Variants in BEND6 observed in about 807,000 individuals in gnomAD.
The protein encoded by BEND6 is BEN domain-containing protein 6.
In BEND6, 24 loss-of-function variants were observed where a neutral mutation model predicts 31.8. The observed-to-expected ratio is 0.75, with a 90% CI of 0.55 to 1.06. The LOEUF is 1.06. Among genes scored for constraint, BEND6 ranks in the 50% least tolerant of loss-of-function variants. The probability of loss-of-function intolerance (pLI) is 0.00; values close to 1 mark genes in which losing one functional copy is unlikely to be tolerated. For missense variants in BEND6, 294 were observed against 327.4 expected, an observed-to-expected ratio of 0.90 and a Z score of 0.79; for synonymous variants, 109 against 114.6, an observed-to-expected ratio of 0.95 and a Z score of 0.31.
intron 4 of BEND6, among the ~76,000 whole-genome samples, chr6:57,016,640 C>T (rs1484028774): frequency 1.3e-5 from 2 of 152,168 alleles, no homozygotes. Context: ...AAGTGAAGTC[C>T]CTCTCACACT....
At chr6:56,966,574 C>T (rs750060588) in intron 1 of BEND6, among the ~76,000 whole-genome samples, 4 of 152,146 alleles carry the variant, frequency 2.6e-5, no homozygotes, top group Non-Finnish European at 4.4e-5. Flanking sequence ...TCTGCCTGTG[C>T]CTGCAGGCTT....
chr6:57,012,304 GAC>G (rs1827375303), intron 3 of BEND6, among the ~76,000 whole-genome samples: 1 of 151,860 alleles, frequency 6.6e-6, no homozygotes, highest in African/African-American at 2.4e-5. Context: ...GAGAAAAAGA[GAC>G]AAAAAAAGGA....
At position 56,955,166 on chromosome 6, in the gene BEND6, G is replaced by T. The variant is rs1044140865; in HGVS notation, c.-395G>T. On this transcript the variant is annotated 5_prime_UTR_variant, in exon 1 of 7. Transcript: ENST00000370746. ...CGGACATGGCTGCGGCGGTTTCGGC[G>T]GCGTCCGCGGGCTGCACCCGGGCCT... 2.0e-5 allele frequency: 3 copies of T among 150,836 alleles called. No homozygotes were observed. Among genetic ancestry groups the T allele is most frequent in the African/African-American group, 4.8e-5 (2 of 41,310 alleles). 9.3% of individuals were successfully genotyped at this position (150,836 alleles called of 1,614,324 possible). A position where few individuals can be genotyped will look rare whatever the true frequency, so the allele number is the denominator to read the frequency against.
chr6:56,972,077 C>T (rs1481487446), intron 1 of BEND6, among the ~76,000 whole-genome samples: 8 of 131,036 alleles, frequency 6.1e-5, no homozygotes, highest in Non-Finnish European at 1.1e-4. Context: ...TTTTACTTTA[C>T]TTTACTTTCT....
intron 3 of BEND6, among the ~76,000 whole-genome samples, chr6:56,999,549 G>A (rs1206019319): frequency 1.3e-5 from 2 of 152,200 alleles, no homozygotes; most frequent in African/African-American, 4.8e-5. Flanking sequence ...GGCGCTTGGT[G>A]GCCACCCACT....
chr6:56,956,349 C>G, intron 1 of BEND6, among the ~76,000 whole-genome samples: 1 of 152,182 alleles, frequency 6.6e-6, no homozygotes, highest in East Asian at 1.9e-4. Flanking sequence ...GTAGTGATCT[C>G]AAAATCAGTG....
intron 1 of BEND6, among the ~76,000 whole-genome samples, chr6:56,979,486 A>G (rs899053647): frequency 3.9e-5 from 6 of 152,220 alleles, no homozygotes; most frequent in Admixed American, 1.3e-4. Flanking sequence ...TAACATCAAT[A>G]TATGCCAGTA....
intron 1 of BEND6, chr6:56,976,209 T>C: frequency 5.5e-6 from 1 of 183,212 alleles, no homozygotes; most frequent in Non-Finnish European, 1.1e-5. Flanking sequence ...TTTTTTTTTT[T>C]TTTTGAGATA....
intron 1 of BEND6, among the ~76,000 whole-genome samples, chr6:56,964,585 T>TC (rs142649827): frequency 0.023 from 3,547 of 152,194 alleles, 147 homozygotes; most frequent in African/African-American, 0.08. Context: ...TACTATAGCC[T>TC]CCATCTCCCA....
intron 1 of BEND6, among the ~76,000 whole-genome samples, chr6:56,965,676 T>TTATATATATATATA (rs35074783): frequency 3.8e-4 from 52 of 136,556 alleles, no homozygotes; most frequent in South Asian, 1.9e-3. Flanking sequence ...ACAAAAAAAT[T>TTATATATATATATA]TATATATATA....
rs1220465578 is a variant in BEND6 at position 56,976,105 on chromosome 6, T to C, written c.-100-5606T>C. On this transcript the variant is annotated intron_variant, in intron 1 of 6. Coordinates refer to ENST00000370746, the MANE Select transcript of BEND6 (RefSeq NM_152731.3). ...GCCATTCTCAGCCTCAAGCCCCACA[T>C]ACCACCTGGAAACAATTATTTAATT... 2.6e-4 allele frequency: 74 copies of C among 286,970 alleles called. 1 individual carries two copies. Among genetic ancestry groups the C allele is most frequent in the Non-Finnish European group, 5.6e-5 (8 of 142,176 alleles). The allele number at this position is 286,970 out of a possible 1,614,324, so 17.8% of individuals were successfully genotyped here.
intron 3 of BEND6, among the ~76,000 whole-genome samples, chr6:57,005,677 TAAA>T (rs76921934): frequency 7.7e-6 from 1 of 130,674 alleles, no homozygotes; most frequent in African/African-American, 2.8e-5. Flanking sequence ...GAGACTCCAT[TAAA>T]AAAAAAAAAA....
chr6:57,011,002 C>T (rs892589293), intron 3 of BEND6: 2 of 283,926 alleles, frequency 7.0e-6, no homozygotes, highest in Non-Finnish European at 5.3e-6. Context: ...GTGCTAGGCA[C>T]TCTTGTAACC....
At chr6:56,983,608 G>A (rs1275599815) in intron 2 of BEND6, among the ~76,000 whole-genome samples, 2 of 152,018 alleles carry the variant, frequency 1.3e-5, no homozygotes, top group South Asian at 2.1e-4. Context: ...ACATCCTCCA[G>A]CCTCATCTAC....
chr6:57,020,963 A>G (rs1827725667), intron 6 of BEND6, among the ~76,000 whole-genome samples: 1 of 151,974 alleles, frequency 6.6e-6, no homozygotes, highest in Non-Finnish European at 1.5e-5. Flanking sequence ...TTTTGCTTGT[A>G]CTTAACAATA....
At position 57,017,791 on chromosome 6, in the gene BEND6, C is replaced by A. The variant is rs1361641689; in HGVS notation, c.712+392C>A. Among the ~76,000 whole-genome samples, 4 of 152,096 alleles carry A rather than the reference C, an allele frequency of 2.6e-5. 1 individual carries two copies. The South Asian group carries it at 8.3e-4, about 32-fold the overall frequency. Reference sequence around the variant, plus strand: ...ATTTATGGTTTTTAAATTAATGAATCTCCTTAAATATAATCTAGATTATCC... The same window carrying A: ...ATTTATGGTTTTTAAATTAATGAATATCCTTAAATATAATCTAGATTATCC... On this transcript the variant is annotated intron_variant, in intron 5 of 6. Coordinates refer to ENST00000370746, the MANE Select transcript of BEND6 (RefSeq NM_152731.3).
At chr6:57,020,245 A>G (rs897211402) in intron 6 of BEND6, among the ~76,000 whole-genome samples, 1 of 151,326 alleles carries the variant, frequency 6.6e-6, no homozygotes, top group African/African-American at 2.4e-5. Context: ...TTACCCACCC[A>G]GTTACCTTGA....
At chr6:56,968,286 T>C (rs1343185474) in intron 1 of BEND6, among the ~76,000 whole-genome samples, 3 of 150,872 alleles carry the variant, frequency 2.0e-5, no homozygotes, top group Non-Finnish European at 4.4e-5. Flanking sequence ...TAATGCTTCT[T>C]TTCTTTTTCT....
Position 57,012,856 on chromosome 6 carries a change from TTC to T in BEND6, c.299-2275_299-2274del, listed in dbSNP as rs1827393472. On this transcript the variant is annotated intron_variant, in intron 3 of 6. Transcript: ENST00000370746. The stretch of plus-strand genomic sequence containing the variant: ...CACTTCATACCAAATTCCCTTTTTC[TTC>T]TTACATTCTAGATTTGGCCTTCATT... 2.0e-5 allele frequency among the ~76,000 whole-genome samples: 3 copies of T among 152,232 alleles called. No homozygotes were observed. In the South Asian group the frequency reaches 6.2e-4, roughly 31 times the overall value.
Sources: allele counts gnomAD v4.1 joint callset (sites outside exome capture counted in the v4.1 genomes callset), GRCh38; gene constraint gnomAD v4.1.1; transcripts MANE v1.5; gene names NCBI Gene and HGNC (gene_info 2026-07-23, HGNC 2026-07-21).